RAI14: variants seen among roughly 807,000 people sequenced by gnomAD.
RAI14 encodes the protein retinoic acid induced 14, also known as ankycorbin.
A neutral mutation model predicts 115.4 loss-of-function variants in RAI14; 45 were observed. The ratio of observed to expected loss-of-function variants is 0.39; its 90% CI spans 0.31 to 0.50. RAI14 has a LOEUF of 0.50. RAI14 is among the 20% of genes least tolerant of loss of function. The pLI is 0.85. For missense variants in RAI14, 939 were observed against 1,131.2 expected (o/e 0.83, Z 2.44); for synonymous variants, 371 against 415.4 (o/e 0.89, Z 1.30).
chr5:34,742,284 G>A (rs2150049544), intron 2 of RAI14, among the ~76,000 whole-genome samples: 1 of 152,328 alleles, frequency 6.6e-6, no homozygotes, highest in South Asian at 2.1e-4. Context: ...TATGTGCTGA[G>A]TGGTGTGAGT....
At chr5:34,669,086 A>T (rs908411160) in intron 1 of RAI14, among the ~76,000 whole-genome samples, 1 of 152,110 alleles carries the variant, frequency 6.6e-6, no homozygotes, top group African/African-American at 2.4e-5. Flanking sequence ...TGATCTCCTG[A>T]ACTCGTGATC....
intron 2 of RAI14, among the ~76,000 whole-genome samples, chr5:34,699,097 A>G (rs1739715383): frequency 6.6e-6 from 1 of 152,188 alleles, no homozygotes; most frequent in Non-Finnish European, 1.5e-5. Context: ...ACACACTAGA[A>G]AACATGAAAG....
At chr5:34,818,971 C>A (rs969494925) in intron 13 of RAI14, 120 bp downstream of exon 13, 2 of 838,248 alleles carry the variant, frequency 2.4e-6, no homozygotes, top group Non-Finnish European at 3.7e-6. Context: ...AGCATGTCCA[C>A]ACAGAGCTGC....
intron 1 of RAI14, among the ~76,000 whole-genome samples, chr5:34,673,294 TATG>T (rs767692130): frequency 1.6e-4 from 24 of 152,124 alleles, no homozygotes; most frequent in Non-Finnish European, 2.2e-4. Flanking sequence ...ATGGAGGACT[TATG>T]AGGTGAGGCT....
At chr5:34,802,741 C>A (rs1451919447) in intron 4 of RAI14, among the ~76,000 whole-genome samples, 1 of 152,094 alleles carries the variant, frequency 6.6e-6, no homozygotes, top group African/African-American at 2.4e-5. Context: ...GTGATAGAAG[C>A]TGCTAAGTGC....
chr5:34,718,008 A>C (rs1299057938), intron 2 of RAI14, among the ~76,000 whole-genome samples: 1 of 151,664 alleles, frequency 6.6e-6, no homozygotes, highest in Non-Finnish European at 1.5e-5. Flanking sequence ...AGGCAAGGCA[A>C]GGAGAGGATG....
chr5:34,773,701 T>C (rs1750478397), intron 3 of RAI14, among the ~76,000 whole-genome samples: 1 of 152,078 alleles, frequency 6.6e-6, no homozygotes, highest in East Asian at 1.9e-4. Flanking sequence ...AAAACCACAA[T>C]GAGATGTTAT....
chr5:34,825,189 C>T (rs1203087541), intron 15 of RAI14, among the ~76,000 whole-genome samples: 1 of 151,794 alleles, frequency 6.6e-6, no homozygotes, highest in African/African-American at 2.4e-5. Context: ...GCAGGAAAAT[C>T]ACTAGAGCCC....
intron 3 of RAI14, 62 bp from the exon 4 acceptor site, chr5:34,795,877 T>A (rs768426655): frequency 1.1e-5 from 15 of 1,417,056 alleles, no homozygotes; most frequent in Non-Finnish European, 1.5e-5. Context: ...GGGGAAACTC[T>A]GTTGGAGATG....
At chr5:34,773,394 A>G (rs1750435121) in intron 3 of RAI14, among the ~76,000 whole-genome samples, 1 of 152,214 alleles carries the variant, frequency 6.6e-6, no homozygotes, top group Non-Finnish European at 1.5e-5. Flanking sequence ...GACAGCTATA[A>G]CAAAAATAGA....
intron 2 of RAI14, among the ~76,000 whole-genome samples, chr5:34,703,513 T>C (rs1417894403): frequency 6.6e-6 from 1 of 152,242 alleles, no homozygotes; most frequent in Non-Finnish European, 1.5e-5. Flanking sequence ...ATGCTTTCAA[T>C]GTGTTTCTAT....
intron 3 of RAI14, among the ~76,000 whole-genome samples, chr5:34,792,099 T>A (rs1285800506): frequency 6.6e-6 from 1 of 152,178 alleles, no homozygotes; most frequent in Non-Finnish European, 1.5e-5. Flanking sequence ...TACTTCCATT[T>A]CCCAGAAGCG....
intron 10 of RAI14, among the ~76,000 whole-genome samples, chr5:34,813,313 A>G (rs1755821336): frequency 6.6e-6 from 1 of 152,162 alleles, no homozygotes; most frequent in Non-Finnish European, 1.5e-5. Flanking sequence ...CTCAACCTCT[A>G]CTTTCCCAGT....
intron 2 of RAI14, among the ~76,000 whole-genome samples, chr5:34,694,054 A>G (rs1259626217): frequency 2.0e-5 from 3 of 152,136 alleles, no homozygotes; most frequent in African/African-American, 7.2e-5. Context: ...GCTTTATTCT[A>G]TTTACCCCAG....
chr5:34,743,510 C>A (rs558433074), intron 2 of RAI14, among the ~76,000 whole-genome samples: 1 of 152,320 alleles, frequency 6.6e-6, no homozygotes, highest in East Asian at 1.9e-4. Flanking sequence ...GACCCTATTT[C>A]CAATTAAGAT....
chr5:34,818,188 G>A lies in RAI14; in HGVS notation c.940-609G>A, dbSNP rs184172662. Among the ~76,000 whole-genome samples the A allele has an allele frequency of 1.5e-4, 23 of 152,240 alleles. No homozygotes were observed. In the East Asian group the frequency reaches 4.2e-3, roughly 28 times the overall value. The stretch of plus-strand genomic sequence containing the variant: ...CACTGTAATGTTTTGAAATGAGATT[G>A]TGGCTTTGAAGTTCCAAGAATTTTT... On this transcript the variant is annotated intron_variant, in intron 12 of 17. Transcript: ENST00000265109.
At chr5:34,800,039 T>C (rs954316301) in intron 4 of RAI14, among the ~76,000 whole-genome samples, 5 of 152,306 alleles carry the variant, frequency 3.3e-5, no homozygotes, top group African/African-American at 1.2e-4. Context: ...TCTGAGAATT[T>C]TTATGGATGC....
chr5:34,724,658 A>C (rs1422180317), intron 2 of RAI14, among the ~76,000 whole-genome samples: 1 of 152,144 alleles, frequency 6.6e-6, no homozygotes, highest in Non-Finnish European at 1.5e-5. Context: ...ATAGGAAAAA[A>C]GGATGCTGCT....
intron 2 of RAI14, among the ~76,000 whole-genome samples, chr5:34,735,944 A>C (rs538538703): frequency 6.6e-6 from 1 of 152,386 alleles, no homozygotes; most frequent in Admixed American, 6.5e-5. Flanking sequence ...TACGTGATAC[A>C]AGTGATCATG....
Sources: gnomAD v4.1 joint callset for allele counts (sites outside exome capture counted in the v4.1 genomes callset) on GRCh38, gnomAD v4.1.1 for gene constraint, MANE v1.5 for transcripts, NCBI Gene and HGNC (gene_info 2026-07-23, HGNC 2026-07-21) for gene names.